PCDHA2: variants seen among roughly 807,000 people sequenced by gnomAD.
The protein encoded by PCDHA2 is protocadherin alpha 2.
PCDHA2 carries 58 observed loss-of-function variants against 66.0 expected under a neutral mutation model. That is an observed-to-expected ratio of 0.88 (90% CI 0.71 to 1.09). The LOEUF (loss-of-function observed/expected upper bound fraction) is 1.09, where lower values mean the gene tolerates loss of function less well. Ranked by LOEUF, PCDHA2 falls within the 50% of genes least tolerant of loss-of-function variation. The pLI, the probability that PCDHA2 is intolerant of heterozygous loss-of-function variation, is 0.00. For missense variants in PCDHA2, 1,267 were observed against 1,242.3 expected, an observed-to-expected ratio of 1.02 and a Z score of -0.30; for synonymous variants, 634 against 554.0, an observed-to-expected ratio of 1.14 and a Z score of -2.03.
intron 3 of PCDHA2, among the ~76,000 whole-genome samples, chr5:140,998,290 C>T (rs782194130): frequency 3.9e-5 from 6 of 152,180 alleles, no homozygotes; most frequent in Admixed American, 2.6e-4. Context: ...TAAATCAGAT[C>T]ACACATTTAG....
chr5:140,819,845 C>G (rs1413889296), intron 1 of PCDHA2, among the ~76,000 whole-genome samples: 1 of 151,922 alleles, frequency 6.6e-6, no homozygotes, highest in Non-Finnish European at 1.5e-5. Flanking sequence ...GACTTTTTCT[C>G]CATTGAGTAT....
intron 1 of PCDHA2, chr5:140,809,603 T>G: frequency 2.0e-6 from 3 of 1,528,176 alleles, no homozygotes; most frequent in Non-Finnish European, 2.6e-6. Flanking sequence ...TGTTTAATTT[T>G]CGTATTGTTT....
chr5:141,011,662 G>C lies in PCDHA2; in HGVS notation c.*1725G>C, dbSNP rs1166635893. On this transcript the variant is annotated 3_prime_UTR_variant, in exon 4 of 4. Coordinates refer to ENST00000526136, the MANE Select transcript of PCDHA2 (RefSeq NM_018905.3). The stretch of plus-strand genomic sequence containing the variant: ...CAAGACTTCTGCTGGCAAGGGAATG[G>C]ATAAAGCTGTTTTGTTCTAGTAACA... 2.0e-5 allele frequency: 3 copies of C among 153,688 alleles called. No homozygotes were observed. Among genetic ancestry groups the C allele is most frequent in the African/African-American group, 7.2e-5 (3 of 41,414 alleles). The allele number at this position is 153,688 out of a possible 1,614,324, so 9.5% of individuals were successfully genotyped here.
intron 1 of PCDHA2, among the ~76,000 whole-genome samples, chr5:140,944,016 A>G (rs2093596830): frequency 6.6e-6 from 1 of 152,182 alleles, no homozygotes; most frequent in Non-Finnish European, 1.5e-5. Flanking sequence ...CCCAAAAGCA[A>G]TTATCTTCAA....
At chr5:140,967,219 C>A (rs782211026) in intron 1 of PCDHA2, 2 of 1,613,772 alleles carry the variant, frequency 1.2e-6, no homozygotes, top group East Asian at 2.2e-5. Context: ...TCCCGCGGCC[C>A]AACTACCAGC....
intron 1 of PCDHA2, chr5:140,835,466 G>C: frequency 6.2e-7 from 1 of 1,613,902 alleles, no homozygotes. Flanking sequence ...CTATTCCAGA[G>C]GACGCCCAAC....
intron 1 of PCDHA2, chr5:140,823,140 G>T (rs2150122762): frequency 1.2e-6 from 2 of 1,614,000 alleles, no homozygotes; most frequent in South Asian, 2.2e-5. Context: ...CGGCGTTCGC[G>T]CAGCCCCAGT....
At chr5:140,938,214 G>C (rs2091981626) in intron 1 of PCDHA2, among the ~76,000 whole-genome samples, 1 of 152,148 alleles carries the variant, frequency 6.6e-6, no homozygotes, top group Non-Finnish European at 1.5e-5. Context: ...CCAAAGTGCT[G>C]GGATTACAGG....
intron 1 of PCDHA2, chr5:140,868,993 T>C (rs1441909187): frequency 1.3e-6 from 2 of 1,515,702 alleles, no homozygotes; most frequent in Non-Finnish European, 8.8e-7. Context: ...TGCCACCGTT[T>C]AAGGATCCTT....
intron 1 of PCDHA2, among the ~76,000 whole-genome samples, chr5:140,911,798 T>C (rs1387986120): frequency 6.6e-6 from 1 of 152,178 alleles, no homozygotes; most frequent in Non-Finnish European, 1.5e-5. Context: ...GGTCTAATCA[T>C]ATTAAGCAGC....
chr5:140,797,406 C>A, intron 1 of PCDHA2, 54 bp downstream of exon 1: 2 of 1,539,284 alleles, frequency 1.3e-6, no homozygotes, highest in Non-Finnish European at 1.8e-6. Context: ...TTAAAAAATT[C>A]TATATGATTT....
rs2041387990 is a variant in PCDHA2, at chr5:140,850,164, G to T, written c.2388+52812G>T. On this transcript the variant is annotated intron_variant, in intron 1 of 3. Transcript: ENST00000526136. ...CGTGACGCTGCAGGTGTTCGTGCTGGACGAGAACGACAATGCGCCGGCGCT... is the reference window on the plus strand; with the variant it reads ...CGTGACGCTGCAGGTGTTCGTGCTGTACGAGAACGACAATGCGCCGGCGCT... 7 of 1,594,758 alleles carry T rather than the reference G, an allele frequency of 4.4e-6. 1 individual carries two copies. Among genetic ancestry groups the T allele is most frequent in the Non-Finnish European group, 6.0e-6 (7 of 1,167,800 alleles).
In PCDHA2 at chr5:140,796,413, C is replaced by T; in HGVS notation, c.1449C>T (p.Asp483=). 6.2e-7 allele frequency: 1 copy of T among 1,613,912 alleles called. No homozygotes were observed. Among genetic ancestry groups the T allele is most frequent in the Non-Finnish European group, 8.5e-7 (1 of 1,179,978 alleles). Residue 483 remains aspartate, a synonymous_variant, in exon 1 of 4, where the codon GAC becomes GAT. Transcript: ENST00000526136. The stretch of plus-strand genomic sequence containing the variant: ...TCACGGTGTCAGCGTGGGATGCGGA[C>T]GCGCAGGAGAACGCGCTGGTGTCCT... ...HIFTVSAWDA[D]AQENALVSYS...
chr5:140,850,443 C>G, intron 1 of PCDHA2: 1 of 1,597,988 alleles, frequency 6.3e-7, no homozygotes, highest in East Asian at 2.2e-5. Flanking sequence ...CCTACTGGTG[C>G]TGGTGAAAGA....
chr5:140,822,679 A>G (rs1248673178), intron 1 of PCDHA2: 1 of 1,609,904 alleles, frequency 6.2e-7, no homozygotes, highest in Non-Finnish European at 8.5e-7. Context: ...TGGTGAAATA[A>G]AAGTTAACGG....
intron 1 of PCDHA2, among the ~76,000 whole-genome samples, chr5:140,901,267 T>G (rs2153472974): frequency 6.6e-6 from 1 of 152,344 alleles, no homozygotes; most frequent in East Asian, 1.9e-4. Context: ...TTGTGGGGTA[T>G]TACTCAAGAA....
rs1054822282 is a variant in PCDHA2 at position 140,797,344 on chromosome 5, G to A, written c.2380G>A (p.Val794Ile). 3 of 1,613,766 alleles carry A rather than the reference G, an allele frequency of 1.9e-6. No homozygotes were observed. The highest frequency in any genetic ancestry group is 2.2e-5 in the East Asian group (1 of 44,882). Residue 794 changes from valine (V) to isoleucine (I), a missense_variant, in exon 1 of 4, where the codon GTA becomes ATA. By Grantham distance (29) the Val-to-Ile change is conservative. Transcript: ENST00000526136. ...EEKQLSESEY[V>I]GKPRQPNPDW... ...GAAACAGCTCTCAGAATCAGAATAC[G>A]TAGGAAAGGTGAGTCTTTTACTTTT...
intron 1 of PCDHA2, chr5:140,843,459 T>C (rs2150360511): frequency 2.5e-6 from 4 of 1,596,020 alleles, no homozygotes; most frequent in Non-Finnish European, 3.4e-6. Context: ...CTGCTGGTGC[T>C]CACGCTGCTG....
intron 1 of PCDHA2, among the ~76,000 whole-genome samples, chr5:140,886,712 G>A (rs950364984): frequency 1.3e-5 from 2 of 151,798 alleles, no homozygotes; most frequent in Middle Eastern, 3.4e-3. Flanking sequence ...TGTAATCCCA[G>A]CTACTTGGGA....
Sources: gnomAD v4.1 joint callset for allele counts (sites outside exome capture counted in the v4.1 genomes callset) on GRCh38, gnomAD v4.1.1 for gene constraint, MANE v1.5 for transcripts, NCBI Gene and HGNC (gene_info 2026-07-23, HGNC 2026-07-21) for gene names.